Variants in DENND2D observed in about 807,000 individuals in gnomAD.
The protein encoded by DENND2D is DENN domain-containing protein 2D.
A neutral mutation model predicts 59.8 loss-of-function variants in DENND2D; 37 were observed. The observed-to-expected ratio is 0.62, with a 90% CI of 0.48 to 0.81. The LOEUF (loss-of-function observed/expected upper bound fraction) is 0.81. Ranked by LOEUF, DENND2D falls within the 40% of genes least tolerant of loss-of-function variation. The pLI is 0.00. For synonymous variants in DENND2D, 219 were observed against 211.3 expected (o/e 1.04, Z -0.31); for missense variants, 525 against 579.7 (o/e 0.91, Z 0.97).
upstream of DENND2D, chr1:111,200,774 C>T (rs1658727123): frequency 8.6e-7 from 1 of 1,169,146 alleles, no homozygotes; most frequent in African/African-American, 1.6e-5. Flanking sequence ...GCAAACACCT[C>T]TGGCTGAAAG....
intron 8 of DENND2D, among the ~76,000 whole-genome samples, chr1:111,191,652 T>G (rs532612617): frequency 2.6e-5 from 4 of 152,340 alleles, no homozygotes; most frequent in African/African-American, 9.6e-5. Flanking sequence ...CTCAGAAAGA[T>G]GACTTGCTGC....
Position 111,188,760 on chromosome 1 carries a change from T to G in DENND2D, c.1041A>C (p.Pro347=), listed in dbSNP as rs754662109. ...CTAAGATGTCATCCTGAAGCTTCGG[T>G]GGCAGGATGTCTTTTTCATCACCAA... ...MSVGDEKDIL[P]PKLQDDILDS... Residue 347 remains proline (P), a synonymous_variant, in exon 10 of 12, where the codon CCA becomes CCC. Coordinates refer to ENST00000357640, the MANE Select transcript of DENND2D (RefSeq NM_024901.5). 3 of 1,614,044 alleles carry G rather than the reference T, an allele frequency of 1.9e-6. No individual in the cohort carries two copies. Among genetic ancestry groups the G allele is most frequent in the East Asian group, 4.5e-5 (2 of 44,884 alleles).
intron 5 of DENND2D, 173 bp from the exon 6 acceptor site, chr1:111,196,229 G>A (rs1260139810): frequency 2.9e-6 from 2 of 699,438 alleles, no homozygotes; most frequent in Admixed American, 3.5e-5. Context: ...CAGAGGCTGG[G>A]CTCATGCTAA....
intron 4 of DENND2D, 106 bp downstream of exon 4, chr1:111,197,814 C>G: frequency 3.2e-6 from 5 of 1,555,624 alleles, no homozygotes; most frequent in Non-Finnish European, 3.5e-6. Context: ...TTTCTACAAC[C>G]AGTGCTGCCA....
intron 10 of DENND2D, 152 bp from the exon 11 acceptor site, chr1:111,188,522 A>G: frequency 7.7e-7 from 1 of 1,301,542 alleles, no homozygotes. Flanking sequence ...GAATCTGGGT[A>G]TGAGTTCTCT....
intron 11 of DENND2D, 145 bp from the exon 12 acceptor site, chr1:111,187,826 A>G: frequency 1.3e-6 from 1 of 765,070 alleles, no homozygotes; most frequent in Non-Finnish European, 2.1e-6. Context: ...GGTTCTGGAG[A>G]TCCAGACATT....
At chr1:111,203,985 GGT>G (rs1369949273), upstream of DENND2D, among the ~76,000 whole-genome samples, 4 of 152,160 alleles carry the variant, frequency 2.6e-5, no homozygotes, top group Non-Finnish European at 4.4e-5. Flanking sequence ...GGCACACTGC[GGT>G]TGCACCACAA....
rs975586797 is a variant in DENND2D, at chr1:111,187,161, C to T, written c.*444G>A. The T allele has an allele frequency of 1.3e-5, 2 of 157,458 alleles. No homozygotes were observed. Among genetic ancestry groups the T allele is most frequent in the African/African-American group, 4.8e-5 (2 of 41,554 alleles). The allele number at this position is 157,458 out of a possible 1,614,324, so 9.8% of individuals were successfully genotyped here. A position where few individuals can be genotyped will look rare whatever the true frequency, so the allele number is the denominator to read the frequency against. On this transcript the variant is annotated 3_prime_UTR_variant, in exon 12 of 12. Coordinates refer to ENST00000357640, the MANE Select transcript of DENND2D (RefSeq NM_024901.5). Reference sequence around the variant, plus strand: ...AAAATACTTTTACCCATAGTAAAAGCCAAAGACACATATAAAAATAAGATT... The same window carrying T: ...AAAATACTTTTACCCATAGTAAAAGTCAAAGACACATATAAAAATAAGATT...
chr1:111,194,787 G>A, intron 6 of DENND2D, 61 bp from the exon 7 acceptor site: 1 of 1,581,996 alleles, frequency 6.3e-7, no homozygotes, highest in Non-Finnish European at 8.6e-7. Flanking sequence ...CAGACCCCGA[G>A]GTGCTAGGCC....
intron 5 of DENND2D, 28 bp from the exon 6 acceptor site, chr1:111,196,084 C>G: frequency 1.9e-6 from 3 of 1,585,180 alleles, no homozygotes; most frequent in Non-Finnish European, 2.6e-6. Context: ...ACGGGAGGCA[C>G]GGCTCAAAGG....
At chr1:111,202,725 A>ACTCC (rs1553245476), upstream of DENND2D, among the ~76,000 whole-genome samples, 3 of 149,076 alleles carry the variant, frequency 2.0e-5, no homozygotes, top group Admixed American at 6.7e-5. Flanking sequence ...ACACACACAC[A>ACTCC]CTCCCTCCTA....
chr1:111,187,980 G>T, intron 11 of DENND2D, 151 bp downstream of exon 11: 1 of 1,213,842 alleles, frequency 8.2e-7, no homozygotes, highest in Non-Finnish European at 1.1e-6. Flanking sequence ...CATTTTCTTA[G>T]GTTTCAGGTT....
chr1:111,188,932 C>A, intron 9 of DENND2D, 146 bp from the exon 10 acceptor site: 2 of 767,210 alleles, frequency 2.6e-6, no homozygotes, highest in Non-Finnish European at 4.4e-6. Flanking sequence ...GAAGCTGTTT[C>A]TTGGCCTTTA....
At chr1:111,204,159 G>T, upstream of DENND2D, 2 of 731,110 alleles carry the variant, frequency 2.7e-6, no homozygotes, top group Non-Finnish European at 3.6e-6. Context: ...CCCCCGCGCA[G>T]CCTCCTGAGT....
intron 7 of DENND2D, among the ~76,000 whole-genome samples, chr1:111,193,404 A>T (rs914197950): frequency 6.6e-6 from 1 of 152,228 alleles, no homozygotes; most frequent in Non-Finnish European, 1.5e-5. Flanking sequence ...TGAGGAGGAA[A>T]GGCAGAATCC....
intron 7 of DENND2D, 79 bp from the exon 8 acceptor site, chr1:111,192,396 C>G: frequency 7.1e-7 from 1 of 1,409,912 alleles, no homozygotes; most frequent in Non-Finnish European, 9.4e-7. Flanking sequence ...CCACCACCAA[C>G]AGCAGCTAGA....
rs769618400 is a variant in DENND2D, at chr1:111,194,660, A to G, written c.712T>C (p.Cys238Arg). The change falls in exon 7 of 12, where the codon TGT becomes CGT. Residue 238 changes from cysteine (C) to arginine (R), a missense_variant. Transcript: ENST00000357640. ...TGAAGTATCTGTTCAAAACTGAGAC[A>G]GTGCAATAGAGAACTAAAATCCACA... ...EHVDFSSLLH[C>R]LSFEQILQIF... is the part of the protein sequence containing the mutation. 6 of 1,614,062 alleles carry G rather than the reference A, an allele frequency of 3.7e-6. No homozygotes were observed. The Admixed American group carries it at 1.0e-4, about 27-fold the overall frequency.
chr1:111,200,166 T>C, intron 1 of DENND2D: 1 of 601,762 alleles, frequency 1.7e-6, no homozygotes, highest in Non-Finnish European at 2.9e-6. Context: ...TCATACTAAG[T>C]GAATAAGAAC....
chr1:111,192,371 C>T (rs760100309), intron 7 of DENND2D, 54 bp from the exon 8 acceptor site: 1 of 1,476,412 alleles, frequency 6.8e-7, no homozygotes, highest in South Asian at 1.4e-5. Flanking sequence ...CACCATGCTA[C>T]ACACCCCTCA....
Sources: gnomAD v4.1 joint callset for allele counts (sites outside exome capture counted in the v4.1 genomes callset) on GRCh38, gnomAD v4.1.1 for gene constraint, MANE v1.5 for transcripts, NCBI Gene and HGNC (gene_info 2026-07-23, HGNC 2026-07-21) for gene names.